CEP128: variants seen among roughly 807,000 people sequenced by gnomAD.
CEP128 encodes the protein centrosomal protein 128kDa.
CEP128 carries 132 observed loss-of-function variants against 156.7 expected under a neutral mutation model. The ratio of observed to expected loss-of-function variants is 0.84; its 90% CI spans 0.73 to 0.97. The LOEUF (loss-of-function observed/expected upper bound fraction) is 0.97, where lower values mean the gene tolerates loss of function less well. Among genes scored for constraint, CEP128 ranks in the 50% least tolerant of loss-of-function variants. The probability of loss-of-function intolerance (pLI) is 0.00; values close to 1 mark genes in which losing one functional copy is unlikely to be tolerated. For missense variants in CEP128, 1,252 were observed against 1,281.9 expected (o/e 0.98, Z 0.36); for synonymous variants, 469 against 448.9 (o/e 1.04, Z -0.57).
At chr14:80,629,898 AT>A (rs1303926048) in intron 19 of CEP128, among the ~76,000 whole-genome samples, 1 of 152,020 alleles carries the variant, frequency 6.6e-6, no homozygotes, top group Non-Finnish European at 1.5e-5. Flanking sequence ...AGAAAAATCT[AT>A]TTAAGAGAGA....
At chr14:80,921,896 G>C (rs1884884475) in intron 2 of CEP128, among the ~76,000 whole-genome samples, 1 of 151,142 alleles carries the variant, frequency 6.6e-6, no homozygotes, top group African/African-American at 2.4e-5. Flanking sequence ...CCGGGAGGCG[G>C]AGGCTGCAGT....
intron 19 of CEP128, among the ~76,000 whole-genome samples, chr14:80,726,860 T>C (rs891843597): frequency 2.6e-5 from 4 of 152,224 alleles, no homozygotes; most frequent in Non-Finnish European, 4.4e-5. Flanking sequence ...AAATAAACTT[T>C]GGAAGTGAGT....
chr14:80,686,421 A>C (rs1489222597), intron 19 of CEP128, among the ~76,000 whole-genome samples: 1 of 152,150 alleles, frequency 6.6e-6, no homozygotes, highest in Non-Finnish European at 1.5e-5. Flanking sequence ...GAGCTCCTGA[A>C]GGAAGCACTA....
At chr14:80,617,185 T>C (rs948602426) in intron 19 of CEP128, among the ~76,000 whole-genome samples, 6 of 145,066 alleles carry the variant, frequency 4.1e-5, no homozygotes, top group Admixed American at 1.4e-4. Flanking sequence ...CTCTGATCCA[T>C]TGGGGCAAAT....
At chr14:80,675,134 C>T (rs1896006813) in intron 19 of CEP128, among the ~76,000 whole-genome samples, 1 of 152,070 alleles carries the variant, frequency 6.6e-6, no homozygotes, top group African/African-American at 2.4e-5. Context: ...CTTGATTTCT[C>T]TTTTACAGAA....
At chr14:80,614,266 C>T (rs531176661) in intron 19 of CEP128, among the ~76,000 whole-genome samples, 48 of 152,264 alleles carry the variant, frequency 3.2e-4, no homozygotes, top group African/African-American at 9.6e-4. Flanking sequence ...ATTATCATTA[C>T]ATAACTTCCA....
chr14:80,835,817 G>A (rs577734413), intron 12 of CEP128, among the ~76,000 whole-genome samples: 33 of 152,216 alleles, frequency 2.2e-4, no homozygotes, highest in African/African-American at 7.7e-4. Context: ...CTCTTATACT[G>A]AAAATTGAGA....
chr14:80,955,936 A>G, intron 2 of CEP128: 2 of 1,523,760 alleles, frequency 1.3e-6, no homozygotes, highest in East Asian at 2.3e-5. Context: ...GCAGCTCAAT[A>G]ACAGCCCGAA....
intron 19 of CEP128, among the ~76,000 whole-genome samples, chr14:80,670,900 TGA>T (rs1324641194): frequency 6.6e-6 from 1 of 152,178 alleles, no homozygotes; most frequent in Non-Finnish European, 1.5e-5. Context: ...TTTTTATCAG[TGA>T]GAGAGATTTT....
intron 5 of CEP128, 91 bp downstream of exon 5, chr14:80,905,864 T>A: frequency 8.0e-7 from 1 of 1,243,256 alleles, no homozygotes; most frequent in Non-Finnish European, 1.1e-6. Flanking sequence ...CATGAAGTTA[T>A]GTGTGGGTCA....
chr14:80,760,056 ACTT>A (rs1195983051), intron 17 of CEP128, among the ~76,000 whole-genome samples: 5 of 152,108 alleles, frequency 3.3e-5, no homozygotes, highest in Middle Eastern at 3.4e-3. Flanking sequence ...GCTAATATAT[ACTT>A]CTTCTAGATA....
intron 8 of CEP128, 73 bp from the exon 9 acceptor site, chr14:80,862,946 T>G: frequency 9.4e-7 from 1 of 1,059,700 alleles, no homozygotes; most frequent in Non-Finnish European, 1.5e-6. Context: ...AGAAGATAGT[T>G]TTATAGCAGA....
chr14:80,896,444 T>C (rs1257125747), intron 7 of CEP128, among the ~76,000 whole-genome samples: 2 of 152,228 alleles, frequency 1.3e-5, no homozygotes, highest in Non-Finnish European at 2.9e-5. Context: ...GTTGCCTTCA[T>C]CATGTTCAAC....
chr14:80,844,135 A>G (rs1886480035), intron 9 of CEP128, among the ~76,000 whole-genome samples: 1 of 151,986 alleles, frequency 6.6e-6, no homozygotes, highest in African/African-American at 2.4e-5. Context: ...CATCCAGTTG[A>G]GGATTATCTG....
intron 19 of CEP128, among the ~76,000 whole-genome samples, chr14:80,591,394 G>A (rs1234562446): frequency 1.3e-5 from 2 of 151,712 alleles, no homozygotes; most frequent in Admixed American, 6.6e-5. Flanking sequence ...AACCAACAAA[G>A]ATCAAAAAAG....
chr14:80,777,012 A>C (rs1301338293), intron 16 of CEP128, among the ~76,000 whole-genome samples: 2 of 152,194 alleles, frequency 1.3e-5, no homozygotes, highest in African/African-American at 4.8e-5. Context: ...GTGGGGATGT[A>C]CCAAAGTTAC....
At chr14:80,736,103 T>C (rs1435852531) in intron 19 of CEP128, among the ~76,000 whole-genome samples, 2 of 152,170 alleles carry the variant, frequency 1.3e-5, no homozygotes, top group Non-Finnish European at 2.9e-5. Flanking sequence ...TATCATTTTG[T>C]ATGCAACATT....
intron 12 of CEP128, among the ~76,000 whole-genome samples, chr14:80,833,628 C>A (rs1253042969): frequency 1.3e-5 from 2 of 151,890 alleles, no homozygotes; most frequent in Non-Finnish European, 2.9e-5. Flanking sequence ...AACTCAACCT[C>A]TTTATTCTTG....
intron 13 of CEP128, among the ~76,000 whole-genome samples, chr14:80,802,237 C>A (rs938004183): frequency 6.6e-6 from 1 of 152,010 alleles, no homozygotes; most frequent in African/African-American, 2.4e-5. Context: ...TATATGCACA[C>A]GTATGTTTAT....
Sources: gnomAD v4.1 joint callset for allele counts (sites outside exome capture counted in the v4.1 genomes callset) on GRCh38, gnomAD v4.1.1 for gene constraint, MANE v1.5 for transcripts, NCBI Gene and HGNC (gene_info 2026-07-23, HGNC 2026-07-21) for gene names.